TOGARAM2: variants seen among roughly 807,000 people sequenced by gnomAD.
The protein encoded by TOGARAM2 is TOG array regulator of axonemal microtubules 2, also known as TOG array regulator of axonemal microtubules protein 2.
A neutral mutation model predicts 93.3 loss-of-function variants in TOGARAM2; 85 were observed. The observed-to-expected ratio is 0.91, with a 90% CI of 0.76 to 1.09. TOGARAM2 has a LOEUF of 1.09. Among genes scored for constraint, TOGARAM2 ranks in the 50% least tolerant of loss-of-function variants. The pLI is 0.00. For synonymous variants in TOGARAM2, 593 were observed against 552.8 expected, an observed-to-expected ratio of 1.07 and a Z score of -1.02; for missense variants, 1,277 against 1,334.5, an observed-to-expected ratio of 0.96 and a Z score of 0.67.
intron 2 of TOGARAM2, 46 bp downstream of exon 2, chr2:28,994,908 G>A (rs889976057): frequency 1.3e-6 from 2 of 1,550,340 alleles, no homozygotes; most frequent in Admixed American, 2.0e-5. Flanking sequence ...TTCCAGGCTA[G>A]GGGACCTGCC....
Position 29,032,955 on chromosome 2 carries a change from G to C in TOGARAM2, c.2034G>C (p.Val678=). 1 of 1,613,798 alleles carries C rather than the reference G, an allele frequency of 6.2e-7. No homozygotes were observed. Among genetic ancestry groups the C allele is most frequent in the East Asian group, 2.2e-5 (1 of 44,890 alleles). ...QDTRFYGRKM[V]NILMANTKFD... Reference sequence around the variant, plus strand: ...GCAGATTTTATGGCCGGAAGATGGTGAATATCTTGATGGCGAACACTAAGT... The same window carrying C: ...GCAGATTTTATGGCCGGAAGATGGTCAATATCTTGATGGCGAACACTAAGT... Residue 678 remains valine (V), a synonymous_variant, in exon 15 of 20, where the codon GTG becomes GTC. Coordinates refer to ENST00000379558, the MANE Select transcript of TOGARAM2 (RefSeq NM_199280.4).
intron 3 of TOGARAM2, among the ~76,000 whole-genome samples, 187 bp from the exon 4 acceptor site, chr2:28,998,994 G>C (rs1040891502): frequency 7.9e-5 from 12 of 152,140 alleles, no homozygotes; most frequent in African/African-American, 2.7e-4. Context: ...GTCTTGTGAA[G>C]ATTAGGTGCT....
At chr2:29,039,039 A>G (rs1666279780) in intron 18 of TOGARAM2, among the ~76,000 whole-genome samples, 1 of 152,276 alleles carries the variant, frequency 6.6e-6, no homozygotes, top group Middle Eastern at 3.4e-3. Flanking sequence ...GATGGAAGTA[A>G]CTAAATTTCC....
intron 19 of TOGARAM2, chr2:29,050,074 T>TAAAAC (rs1236990600): frequency 1.3e-5 from 2 of 151,870 alleles, no homozygotes; most frequent in Non-Finnish European, 2.9e-5. Context: ...TCATGAAAAA[T>TAAAAC]AAAACAAGGT....
upstream of TOGARAM2, among the ~76,000 whole-genome samples, chr2:28,979,133 C>T (rs1052746616): frequency 6.6e-6 from 1 of 152,152 alleles, no homozygotes; most frequent in South Asian, 2.1e-4. Flanking sequence ...TGCCCCAATC[C>T]TTCCAGGCAG....
intron 1 of TOGARAM2, among the ~76,000 whole-genome samples, chr2:28,961,834 T>C (rs935369871): frequency 6.6e-6 from 1 of 152,216 alleles, no homozygotes; most frequent in Non-Finnish European, 1.5e-5. Flanking sequence ...ACCAGTGATA[T>C]ACTTTCTATC....
chr2:29,024,158 AG>A lies in TOGARAM2; in HGVS notation c.1639del (p.Val547CysfsTer16), dbSNP rs1558446441. 3.2e-6 allele frequency: 5 copies of A among 1,585,088 alleles called. No individual in the cohort carries two copies. The South Asian group carries it at 5.8e-5, about 18-fold the overall frequency. ...TCCAAGGTCACCAACCTGCGGTCCA[AG>A]GTGTCTCACCTGGCCATCAGCACCT... is the stretch of plus-strand genomic sequence containing the variant. ...VTGEVTNLRS[K>X]VSHLAISTLG... On this transcript the variant is annotated frameshift_variant, in exon 13 of 20. Transcript: ENST00000379558. LOFTEE classifies it high-confidence loss of function.
At chr2:28,966,963 G>A (rs1391008371) in intron 1 of TOGARAM2, among the ~76,000 whole-genome samples, 1 of 152,182 alleles carries the variant, frequency 6.6e-6, no homozygotes, top group Non-Finnish European at 1.5e-5. Context: ...GTAAAAGAAA[G>A]CCATATAGGT....
chr2:29,028,065 G>A (rs1327021609), intron 14 of TOGARAM2, among the ~76,000 whole-genome samples: 1 of 152,206 alleles, frequency 6.6e-6, no homozygotes, highest in Non-Finnish European at 1.5e-5. Flanking sequence ...AGGAGAGCGA[G>A]AGGATCTGGT....
intron 8 of TOGARAM2, 90 bp from the exon 9 acceptor site, chr2:29,017,064 A>G (rs1334146956): frequency 2.6e-6 from 4 of 1,514,724 alleles, no homozygotes; most frequent in Non-Finnish European, 3.6e-6. Context: ...CAGGACAGCA[A>G]TTGGCACACA....
chr2:29,012,514 G>A (rs767275766), intron 7 of TOGARAM2, among the ~76,000 whole-genome samples: 2 of 152,154 alleles, frequency 1.3e-5, no homozygotes, highest in African/African-American at 2.4e-5. Flanking sequence ...CCCGGAGGAC[G>A]CTGGTGTGGG....
chr2:29,020,158 G>C (rs1664844508), intron 10 of TOGARAM2, among the ~76,000 whole-genome samples: 1 of 152,164 alleles, frequency 6.6e-6, no homozygotes, highest in African/African-American at 2.4e-5. Context: ...TGGATCAGGG[G>C]CTCTAGCGGT....
intron 14 of TOGARAM2, among the ~76,000 whole-genome samples, chr2:29,032,599 GT>G (rs1665835069): frequency 6.6e-6 from 1 of 152,200 alleles, no homozygotes; most frequent in Non-Finnish European, 1.5e-5. Flanking sequence ...TTTATGGAGA[GT>G]TTTAAGGGAC....
At chr2:29,005,310 G>C (rs1236413736) in intron 6 of TOGARAM2, among the ~76,000 whole-genome samples, 1 of 138,516 alleles carries the variant, frequency 7.2e-6, no homozygotes, top group Non-Finnish European at 1.5e-5. Flanking sequence ...GTGTGTGTGG[G>C]GTATGTGTGC....
At chr2:28,985,245 C>T (rs552702847) in intron 1 of TOGARAM2, among the ~76,000 whole-genome samples, 24 of 152,226 alleles carry the variant, frequency 1.6e-4, no homozygotes, top group African/African-American at 5.8e-4. Flanking sequence ...CAGCTACCTG[C>T]AATCCAGGAA....
At chr2:29,000,284 G>T (rs1673217926) in intron 4 of TOGARAM2, among the ~76,000 whole-genome samples, 1 of 152,012 alleles carries the variant, frequency 6.6e-6, no homozygotes, top group African/African-American at 2.4e-5. Context: ...TCAACAGCAG[G>T]CACTTTATAC....
At chr2:29,031,677 A>G (rs1455870107) in intron 14 of TOGARAM2, among the ~76,000 whole-genome samples, 2 of 152,224 alleles carry the variant, frequency 1.3e-5, no homozygotes, top group African/African-American at 2.4e-5. Flanking sequence ...TTGCAAAGCA[A>G]TCACTAAGAA....
intron 1 of TOGARAM2, among the ~76,000 whole-genome samples, chr2:28,971,766 T>C (rs1294764515): frequency 6.6e-6 from 1 of 152,214 alleles, no homozygotes; most frequent in East Asian, 1.9e-4. Flanking sequence ...GACAACTTTC[T>C]TGAGGTCTGA....
intron 6 of TOGARAM2, among the ~76,000 whole-genome samples, chr2:29,008,781 C>A (rs1664038442): frequency 6.6e-6 from 1 of 152,228 alleles, no homozygotes; most frequent in South Asian, 2.1e-4. Context: ...AAACCTCATT[C>A]TGTTCTTTAA....
Sources: allele counts gnomAD v4.1 joint callset (sites outside exome capture counted in the v4.1 genomes callset), GRCh38; gene constraint gnomAD v4.1.1; transcripts MANE v1.5; gene names NCBI Gene and HGNC (gene_info 2026-07-23, HGNC 2026-07-21).